Variants in PPFIA2 observed in about 807,000 individuals in gnomAD.
PPFIA2 encodes the protein liprin-alpha-2.
Under a neutral mutation model 175.5 loss-of-function variants are expected in PPFIA2, and 46 were observed. That is an observed-to-expected ratio of 0.26 (90% CI 0.21 to 0.34). The LOEUF is 0.34. Among genes scored for constraint, PPFIA2 ranks in the 10% least tolerant of loss-of-function variants. The pLI is 1.00. For synonymous variants in PPFIA2, 568 were observed against 511.4 expected (o/e 1.11, Z -1.49); for missense variants, 1,179 against 1,506.1 (o/e 0.78, Z 3.60).
chr12:81,700,626 T>C (rs755233256), intron 3 of PPFIA2, among the ~76,000 whole-genome samples: 5 of 152,248 alleles, frequency 3.3e-5, no homozygotes, highest in Non-Finnish European at 4.4e-5. Flanking sequence ...GTTCCACTTC[T>C]GGCATTGTGC....
intron 11 of PPFIA2, among the ~76,000 whole-genome samples, chr12:81,373,158 T>TG (rs1259810483): frequency 6.6e-6 from 1 of 151,902 alleles, no homozygotes; most frequent in African/African-American, 2.4e-5. Context: ...TTGTGTTACT[T>TG]GGGGGAAATT....
chr12:81,548,656 G>A (rs1844171161), intron 4 of PPFIA2, among the ~76,000 whole-genome samples: 1 of 151,932 alleles, frequency 6.6e-6, no homozygotes, highest in Admixed American at 6.6e-5. Flanking sequence ...ATTAATGTTA[G>A]TCAATGGTTC....
chr12:81,595,649 G>C (rs1458523865), intron 4 of PPFIA2, among the ~76,000 whole-genome samples: 1 of 152,092 alleles, frequency 6.6e-6, no homozygotes, highest in East Asian at 1.9e-4. Context: ...GTATGAATGT[G>C]TTTGTCTAAA....
chr12:81,343,152 C>G (rs999785383), intron 19 of PPFIA2, among the ~76,000 whole-genome samples: 1 of 151,980 alleles, frequency 6.6e-6, no homozygotes, highest in African/African-American at 2.4e-5. Context: ...TTAATGTAGT[C>G]TTTTGAAGTG....
At chr12:81,637,276 T>G (rs1474931137) in intron 4 of PPFIA2, among the ~76,000 whole-genome samples, 1 of 98,082 alleles carries the variant, frequency 1.0e-5, no homozygotes, top group Non-Finnish European at 1.9e-5. Flanking sequence ...TTTTTTTTTT[T>G]TTTTTTTAGT....
At chr12:81,750,709 T>C (rs1264295859) in intron 3 of PPFIA2, among the ~76,000 whole-genome samples, 1 of 152,150 alleles carries the variant, frequency 6.6e-6, no homozygotes, top group Non-Finnish European at 1.5e-5. Flanking sequence ...ATAATTTACA[T>C]GGTTAAAATT....
In PPFIA2 at chr12:81,462,585, C is replaced by CATATATATATATATATATATACATATAT. The variant is rs368848726; in HGVS notation, c.304-4720_304-4719insATATATGTATATATATATATATATATAT. Among the ~76,000 whole-genome samples, 43 of 124,666 alleles carry CATATATATATATATATATATACATATAT rather than the reference C, an allele frequency of 3.4e-4. 1 individual carries two copies. The highest frequency in any genetic ancestry group is 2.6e-4 in the Non-Finnish European group (15 of 58,790). 81.8% of individuals were successfully genotyped at this position (124,666 alleles called of 152,430 possible). On this transcript the variant is annotated intron_variant, in intron 4 of 32. Coordinates refer to ENST00000549396, the MANE Select transcript of PPFIA2 (RefSeq NM_003625.5). ...ATATATATGTGTATATATATATATACATATATATATATATATATATATAAT... is the reference window on the plus strand; with the variant it reads ...ATATATATGTGTATATATATATATACATATATATATATATATATATACATATATATATATATATATATATATATATAAT...
intron 4 of PPFIA2, among the ~76,000 whole-genome samples, chr12:81,576,397 G>A (rs753506133): frequency 1.3e-5 from 2 of 151,630 alleles, no homozygotes; most frequent in African/African-American, 4.8e-5. Context: ...TCTTTATGTG[G>A]GAAACAAAAC....
Position 81,676,608 on chromosome 12 carries a change from T to C in PPFIA2, c.303+183A>G, listed in dbSNP as rs12424462. The C allele has an allele frequency of 6.5e-3, 2,460 of 381,302 alleles. 30 individuals are homozygous for C. The highest frequency in any genetic ancestry group is 0.031 in the Admixed American group (669 of 21,726). 23.6% of individuals were successfully genotyped at this position (381,302 alleles called of 1,614,324 possible). ...AAATTTTTATGAGTTGTTAAAACTT[T>C]TTAATAAAAACACCAGCCCACACCT... On this transcript the variant is annotated intron_variant, in intron 4 of 32. Transcript: ENST00000549396.
intron 4 of PPFIA2, among the ~76,000 whole-genome samples, chr12:81,601,007 C>T (rs1382622273): frequency 6.6e-6 from 1 of 151,868 alleles, no homozygotes; most frequent in African/African-American, 2.4e-5. Context: ...TTAATATAAT[C>T]TCATGTATTT....
At chr12:81,706,690 C>T (rs754357602) in intron 3 of PPFIA2, among the ~76,000 whole-genome samples, 1 of 152,044 alleles carries the variant, frequency 6.6e-6, no homozygotes, top group African/African-American at 2.4e-5. Context: ...GGGTCAGGGA[C>T]CCACTTGAAG....
intron 4 of PPFIA2, among the ~76,000 whole-genome samples, chr12:81,662,248 C>T (rs11519751): frequency 0.053 from 8,007 of 152,106 alleles, 290 homozygotes; most frequent in South Asian, 0.11. Context: ...TTCAAAAAAT[C>T]AATGAATCCA....
intron 4 of PPFIA2, among the ~76,000 whole-genome samples, chr12:81,558,221 T>C (rs2069235410): frequency 6.6e-6 from 1 of 152,162 alleles, no homozygotes; most frequent in Non-Finnish European, 1.5e-5. Context: ...CATTGCATAA[T>C]GCCCAATTCT....
intron 22 of PPFIA2, among the ~76,000 whole-genome samples, chr12:81,308,754 T>C (rs2049982441): frequency 6.6e-6 from 1 of 152,222 alleles, no homozygotes; most frequent in African/African-American, 2.4e-5. Flanking sequence ...CTGTGGCTTT[T>C]CTTTTCTTGT....
intron 19 of PPFIA2, among the ~76,000 whole-genome samples, chr12:81,342,751 C>T (rs1322641221): frequency 6.6e-6 from 1 of 151,990 alleles, no homozygotes; most frequent in East Asian, 1.9e-4. Flanking sequence ...TGACTCTTCT[C>T]TGATTGTTTC....
chr12:81,474,834 C>T (rs756303822), intron 4 of PPFIA2, among the ~76,000 whole-genome samples: 3 of 151,926 alleles, frequency 2.0e-5, no homozygotes, highest in Non-Finnish European at 4.4e-5. Context: ...TAATTTTGCC[C>T]TATTGTTTTG....
intron 3 of PPFIA2, among the ~76,000 whole-genome samples, chr12:81,692,901 A>C (rs1596452448): frequency 6.6e-6 from 1 of 152,270 alleles, no homozygotes; most frequent in East Asian, 1.9e-4. Flanking sequence ...TAAAGATATA[A>C]AATTCTATGA....
intron 4 of PPFIA2, among the ~76,000 whole-genome samples, chr12:81,510,265 T>C (rs2061628335): frequency 6.6e-6 from 1 of 152,066 alleles, no homozygotes; most frequent in African/African-American, 2.4e-5. Flanking sequence ...GTGTGTGAGC[T>C]CCAATCACAC....
chr12:81,389,232 A>T (rs1177900323), intron 8 of PPFIA2, among the ~76,000 whole-genome samples: 1 of 149,552 alleles, frequency 6.7e-6, no homozygotes, highest in African/African-American at 2.4e-5. Context: ...TATTTGGTGC[A>T]AATGAACGAT....
Sources: gnomAD v4.1 joint callset for allele counts (sites outside exome capture counted in the v4.1 genomes callset) on GRCh38, gnomAD v4.1.1 for gene constraint, MANE v1.5 for transcripts, NCBI Gene and HGNC (gene_info 2026-07-23, HGNC 2026-07-21) for gene names.